GLG1: variants seen among roughly 807,000 people sequenced by gnomAD.
GLG1 encodes golgi glycoprotein 1.
In GLG1, 38 loss-of-function variants were observed where a neutral mutation model predicts 160.5. That is an observed-to-expected ratio of 0.24 (90% CI 0.18 to 0.31). The LOEUF is 0.31. GLG1 is among the 10% of genes least tolerant of loss of function. GLG1 has a pLI of 1.00. For missense variants in GLG1, 1,373 were observed against 1,505.2 expected, an observed-to-expected ratio of 0.91 and a Z score of 1.45; for synonymous variants, 644 against 543.4, an observed-to-expected ratio of 1.19 and a Z score of -2.57.
intron 2 of GLG1, among the ~76,000 whole-genome samples, chr16:74,512,463 C>T (rs528919639): frequency 1.1e-4 from 17 of 152,086 alleles, no homozygotes; most frequent in African/African-American, 3.9e-4. Flanking sequence ...TGGGGTTTCA[C>T]CATGTTGGCC....
chr16:74,494,977 T>G (rs2143401848), intron 5 of GLG1, 146 bp from the exon 6 acceptor site: 3,702 of 304,144 alleles, frequency 0.012, no homozygotes, highest in East Asian at 0.022. Context: ...TAAAATTTAA[T>G]AGGCTTTTAA....
chr16:74,551,538 G>A (rs568978773), intron 1 of GLG1, among the ~76,000 whole-genome samples: 24 of 146,422 alleles, frequency 1.6e-4, no homozygotes, highest in African/African-American at 4.6e-4. Context: ...TGCTGGTCTC[G>A]AACTCCTGAG....
In GLG1 at chr16:74,607,108, C is replaced by A; in HGVS notation, c.-14G>T. The A allele has an allele frequency of 6.6e-7, 1 of 1,512,584 alleles. No individual in the cohort carries two copies. The highest frequency in any genetic ancestry group is 8.9e-7 in the Non-Finnish European group (1 of 1,128,458). 93.7% of individuals were successfully genotyped at this position (1,512,584 alleles called of 1,614,324 possible). A position where few individuals can be genotyped will look rare whatever the true frequency, so the allele number is the denominator to read the frequency against. ...ACACGCCGCCATCTTGAGTCCGCGG[C>A]GAGCTCGACGCACTCGCCGGCGCCG... On this transcript the variant is annotated 5_prime_UTR_variant, in exon 1 of 26. Transcript: ENST00000422840.
At chr16:74,459,358 G>A (rs775310184) in intron 23 of GLG1, among the ~76,000 whole-genome samples, 3 of 152,116 alleles carry the variant, frequency 2.0e-5, no homozygotes, top group African/African-American at 7.2e-5. Context: ...GGCGCCTATA[G>A]TCCCAGCTAC....
chr16:74,451,924 C>A lies in GLG1; in HGVS notation c.*1243G>T. 1 of 701,874 alleles carries A rather than the reference C, an allele frequency of 1.4e-6. No individual in the cohort carries two copies. Among genetic ancestry groups the A allele is most frequent in the Non-Finnish European group, 2.5e-6 (1 of 394,376 alleles). The allele number at this position is 701,874 out of a possible 1,614,324, so 43.5% of individuals were successfully genotyped here. A position where few individuals can be genotyped will look rare whatever the true frequency, so the allele number is the denominator to read the frequency against. ...GCCAATGCCTACTAGAGTGGGTACA[C>A]GCAGCAAATGGACAGAAAGAAAAAA... is the stretch of plus-strand genomic sequence containing the variant. On this transcript the variant is annotated 3_prime_UTR_variant, in exon 26 of 26. Coordinates refer to ENST00000422840, the MANE Select transcript of GLG1 (RefSeq NM_001145667.2).
chr16:74,498,452 A>AG lies in GLG1; in HGVS notation c.775-1809_775-1808insC, dbSNP rs1567483132. ...CTGTCTCAAAAAAAAAAAAAAGTATATATATATATATATATTATATTTTAT... is the reference window on the plus strand; with the variant it reads ...CTGTCTCAAAAAAAAAAAAAAGTATAGTATATATATATATATTATATTTTAT... On this transcript the variant is annotated intron_variant, in intron 4 of 25. Coordinates refer to ENST00000422840, the MANE Select transcript of GLG1 (RefSeq NM_001145667.2). Among the ~76,000 whole-genome samples, 16 of 91,644 alleles carry AG rather than the reference A, an allele frequency of 1.7e-4. 3 individuals carry two copies. Among genetic ancestry groups the AG allele is most frequent in the South Asian group, 3.5e-4 (1 of 2,834 alleles). 60.1% of individuals were successfully genotyped at this position (91,644 alleles called of 152,430 possible). A position where few individuals can be genotyped will look rare whatever the true frequency, so the allele number is the denominator to read the frequency against.
At chr16:74,525,502 C>G (rs986047826) in intron 2 of GLG1, among the ~76,000 whole-genome samples, 27 of 151,060 alleles carry the variant, frequency 1.8e-4, no homozygotes, top group African/African-American at 6.6e-4. Context: ...CCGTATGTTG[C>G]CCAGGTTGGT....
chr16:74,530,581 G>A (rs1221041037), intron 2 of GLG1, among the ~76,000 whole-genome samples: 2 of 151,760 alleles, frequency 1.3e-5, no homozygotes, highest in South Asian at 2.1e-4. Context: ...TTTGATCTAT[G>A]GGCTAGAGAA....
chr16:74,529,852 T>C (rs2017475902), intron 2 of GLG1, among the ~76,000 whole-genome samples: 1 of 128,180 alleles, frequency 7.8e-6, no homozygotes, highest in African/African-American at 3.0e-5. Flanking sequence ...AGTCTCACTC[T>C]GTCACCCAGA....
chr16:74,577,496 T>C (rs2019038302), intron 1 of GLG1, among the ~76,000 whole-genome samples: 1 of 127,850 alleles, frequency 7.8e-6, no homozygotes, highest in Admixed American at 9.3e-5. Flanking sequence ...CACTCCACCC[T>C]GAGAAACAAG....
chr16:74,531,446 G>A (rs1057286580), intron 2 of GLG1, among the ~76,000 whole-genome samples: 11 of 152,156 alleles, frequency 7.2e-5, no homozygotes, highest in African/African-American at 1.9e-4. Flanking sequence ...AGCCTCCAGA[G>A]TAGCTGGGAT....
rs559131840 is a variant in GLG1, at chr16:74,596,542, T to C, written c.438+10115A>G. On this transcript the variant is annotated intron_variant, in intron 1 of 25. Transcript: ENST00000422840. ...CTCCACCTCAAAAAAAAAATTATTG[T>C]GATATTATGCATCCTTTTGGTACTA... Among the ~76,000 whole-genome samples, 7 of 152,238 alleles carry C rather than the reference T, an allele frequency of 4.6e-5. 1 individual carries two copies. The East Asian group carries it at 1.4e-3, about 29-fold the overall frequency.
intron 18 of GLG1, 78 bp downstream of exon 18, chr16:74,467,678 G>A: frequency 1.1e-6 from 1 of 948,964 alleles, no homozygotes; most frequent in East Asian, 2.4e-5. Context: ...GTTACCTTAT[G>A]GGCACTAGCT....
intron 10 of GLG1, among the ~76,000 whole-genome samples, chr16:74,482,299 A>G (rs2015629440): frequency 6.6e-6 from 1 of 152,154 alleles, no homozygotes; most frequent in Non-Finnish European, 1.5e-5. Context: ...GCCAAAATAT[A>G]TATTAATCAC....
At position 74,531,626 on chromosome 16, in the gene GLG1, C is replaced by T. The variant is rs77738218; in HGVS notation, c.471+495G>A. Among the ~76,000 whole-genome samples, 1,887 of 152,250 alleles carry T rather than the reference C, an allele frequency of 0.012. 202 individuals carry two copies. The East Asian group carries it at 0.27, about 22-fold the overall frequency. On this transcript the variant is annotated intron_variant, in intron 2 of 25. Coordinates refer to ENST00000422840, the MANE Select transcript of GLG1 (RefSeq NM_001145667.2). ...ACAGGTGTGAACCACCATGCCCGGCCTCATCTCCATTATTAAGCCTTTTCT... is the reference window on the plus strand; with the variant it reads ...ACAGGTGTGAACCACCATGCCCGGCTTCATCTCCATTATTAAGCCTTTTCT...
intron 1 of GLG1, 40 bp from the exon 2 acceptor site, chr16:74,532,193 A>AAAAT (rs2017557663): frequency 3.2e-6 from 1 of 308,492 alleles, no homozygotes; most frequent in African/African-American, 3.6e-5. Flanking sequence ...TAAAAAAAAA[A>AAAAT]ATATATATAT....
intron 1 of GLG1, among the ~76,000 whole-genome samples, chr16:74,577,833 T>C (rs1184685019): frequency 1.3e-5 from 2 of 151,880 alleles, no homozygotes; most frequent in African/African-American, 2.4e-5. Flanking sequence ...CTTGGGCTGA[T>C]CTCAAATTCC....
intron 3 of GLG1, among the ~76,000 whole-genome samples, chr16:74,504,591 T>G (rs1337379236): frequency 1.3e-5 from 2 of 152,234 alleles, no homozygotes; most frequent in Non-Finnish European, 2.9e-5. Flanking sequence ...CCTGGCCTAC[T>G]TCTTGACATG....
At chr16:74,593,671 G>C (rs1210664471) in intron 1 of GLG1, among the ~76,000 whole-genome samples, 3 of 151,974 alleles carry the variant, frequency 2.0e-5, no homozygotes, top group African/African-American at 7.3e-5. Context: ...CTGACCTCAG[G>C]TGATCTGCCC....
Sources: allele counts gnomAD v4.1 joint callset (sites outside exome capture counted in the v4.1 genomes callset), GRCh38; gene constraint gnomAD v4.1.1; transcripts MANE v1.5; gene names NCBI Gene and HGNC (gene_info 2026-07-23, HGNC 2026-07-21).